The following ATP10A variants were observed in gnomAD, a reference collection of about 807,000 sequenced individuals.
ATP10A encodes ATPase phospholipid transporting 10A (putative).
ATP10A carries 111 observed loss-of-function variants against 147.8 expected under a neutral mutation model. The observed-to-expected ratio is 0.75, with a 90% CI of 0.64 to 0.88. ATP10A has a LOEUF of 0.88. Ranked by LOEUF, ATP10A falls within the 40% of genes least tolerant of loss-of-function variation. The pLI is 0.00. For synonymous variants in ATP10A, 875 were observed against 841.6 expected (o/e 1.04, Z -0.69); for missense variants, 1,927 against 1,959.0 (o/e 0.98, Z 0.31).
At chr15:25,717,262 TA>T (rs1901878899) in intron 8 of ATP10A, among the ~76,000 whole-genome samples, 1 of 152,216 alleles carries the variant, frequency 6.6e-6, no homozygotes, top group African/African-American at 2.4e-5. Context: ...TCCAGGCTTT[TA>T]AGAATTATTT....
chr15:25,847,215 T>A (rs901926289), intron 1 of ATP10A, among the ~76,000 whole-genome samples: 2 of 114,422 alleles, frequency 1.7e-5, no homozygotes, highest in Non-Finnish European at 4.2e-5. Flanking sequence ...AGGCTCTGAC[T>A]GAGCAGCACG....
intron 1 of ATP10A, among the ~76,000 whole-genome samples, chr15:25,861,559 C>T (rs1893760274): frequency 6.6e-6 from 1 of 152,136 alleles, no homozygotes; most frequent in Non-Finnish European, 1.5e-5. Context: ...TTCGTGAATG[C>T]CTACGTTTAA....
intron 7 of ATP10A, among the ~76,000 whole-genome samples, chr15:25,719,887 T>G (rs1902104203): frequency 6.6e-6 from 1 of 152,206 alleles, no homozygotes; most frequent in Non-Finnish European, 1.5e-5. Flanking sequence ...CTGAACTCCT[T>G]TATGAGTGAC....
rs1160232396 is a variant in ATP10A, at chr15:25,687,749, T to C, written c.3245A>G (p.Tyr1082Cys). 2.5e-6 allele frequency: 4 copies of C among 1,612,374 alleles called. No individual in the cohort carries two copies. The South Asian group carries it at 3.3e-5, about 13-fold the overall frequency. Reference sequence around the variant, plus strand: ...CAGCACCATGTTGGCAAGTCGGGAGTAGCACCAATGCCCGTGAAGAATCAA... The same window carrying C: ...CAGCACCATGTTGGCAAGTCGGGAGCAGCACCAATGCCCGTGAAGAATCAA... ...RLLILHGHWC[Y>C]SRLANMVLYF... The change falls in exon 16 of 21, where the codon TAC becomes TGC. Residue 1082 changes from tyrosine (Y) to cysteine (C), a missense_variant. By Grantham distance (194) the Tyr-to-Cys change is radical (BLOSUM62 -2). Coordinates refer to ENST00000555815, the MANE Select transcript of ATP10A (RefSeq NM_024490.4).
At chr15:25,741,603 T>C (rs887003285) in intron 2 of ATP10A, among the ~76,000 whole-genome samples, 5 of 152,224 alleles carry the variant, frequency 3.3e-5, no homozygotes, top group African/African-American at 1.2e-4. Context: ...ATTATTACTA[T>C]TATTATTATT....
intron 4 of ATP10A, 85 bp downstream of exon 4, chr15:25,727,075 G>GA: frequency 9.9e-7 from 1 of 1,007,150 alleles, no homozygotes; most frequent in Non-Finnish European, 1.5e-6. Context: ...AAATGAAAAA[G>GA]AAAAAAGAAA....
intron 1 of ATP10A, among the ~76,000 whole-genome samples, chr15:25,839,720 T>C (rs936305509): frequency 3.2e-4 from 48 of 152,306 alleles, no homozygotes; most frequent in African/African-American, 1.1e-3. Flanking sequence ...TCAATGGTCA[T>C]ATTTTAAGCT....
At chr15:25,675,673 C>T (rs535734617), downstream of ATP10A, among the ~76,000 whole-genome samples, 16 of 152,272 alleles carry the variant, frequency 1.1e-4, no homozygotes, top group East Asian at 1.2e-3. Flanking sequence ...GGTCAGGCGG[C>T]GCTGGCTTAC....
intron 2 of ATP10A, among the ~76,000 whole-genome samples, chr15:25,746,391 A>AACAAATCC (rs1887844848): frequency 6.6e-6 from 1 of 152,338 alleles, no homozygotes; most frequent in South Asian, 2.1e-4. Flanking sequence ...GGAGACATAA[A>AACAAATCC]ACAAATCCAC....
intron 1 of ATP10A, among the ~76,000 whole-genome samples, chr15:25,855,781 G>A (rs1597006666): frequency 2.0e-5 from 3 of 152,102 alleles, no homozygotes; most frequent in Admixed American, 1.3e-4. Context: ...CTGATGAATG[G>A]TTCTATATGG....
chr15:25,840,972 AT>A (rs1892786036), intron 1 of ATP10A, among the ~76,000 whole-genome samples: 1 of 152,090 alleles, frequency 6.6e-6, no homozygotes, highest in Admixed American at 6.5e-5. Context: ...TGTCTTGCCC[AT>A]TTTTAAACAG....
chr15:25,756,874 T>G (rs2140608085), intron 2 of ATP10A, among the ~76,000 whole-genome samples: 1 of 152,308 alleles, frequency 6.6e-6, no homozygotes, highest in East Asian at 1.9e-4. Flanking sequence ...TGACTAACAT[T>G]TGCATGTTGT....
intron 1 of ATP10A, among the ~76,000 whole-genome samples, chr15:25,854,830 G>A (rs571056959): frequency 2.6e-5 from 4 of 152,294 alleles, no homozygotes; most frequent in African/African-American, 7.2e-5. Flanking sequence ...GGCCAAGGAG[G>A]ATGGATCATC....
intron 8 of ATP10A, among the ~76,000 whole-genome samples, chr15:25,717,584 G>A (rs74003872): frequency 7.9e-5 from 12 of 152,206 alleles, no homozygotes; most frequent in Non-Finnish European, 1.5e-4. Context: ...TCCAAAACTC[G>A]AAATCAGCCC....
At chr15:25,845,307 G>C (rs1194916936) in intron 1 of ATP10A, among the ~76,000 whole-genome samples, 2 of 142,544 alleles carry the variant, frequency 1.4e-5, no homozygotes, top group African/African-American at 5.4e-5. Context: ...AAATCAGCAC[G>C]GACCGTTTGT....
chr15:25,672,894 C>A (rs933620158), downstream of ATP10A, among the ~76,000 whole-genome samples: 1 of 152,036 alleles, frequency 6.6e-6, no homozygotes, highest in African/African-American at 2.4e-5. Context: ...GAGAAGGGGT[C>A]CTAGGGCAAG....
chr15:25,864,863 C>T (rs1052287892), upstream of ATP10A, among the ~76,000 whole-genome samples: 7 of 152,208 alleles, frequency 4.6e-5, no homozygotes, highest in African/African-American at 7.2e-5. Flanking sequence ...CCGAGGCCTT[C>T]GGCCTCCCTA....
At chr15:25,762,086 CAG>C (rs150387386) in intron 2 of ATP10A, among the ~76,000 whole-genome samples, 2 of 152,250 alleles carry the variant, frequency 1.3e-5, no homozygotes, top group African/African-American at 4.8e-5. Flanking sequence ...GTTCTCGTGA[CAG>C]TGAGTTCTCA....
intron 2 of ATP10A, among the ~76,000 whole-genome samples, chr15:25,777,068 T>A (rs372708600): frequency 6.0e-4 from 91 of 151,034 alleles, no homozygotes; most frequent in African/African-American, 2.0e-3. Flanking sequence ...GGTGTGTGTG[T>A]GTGTGCATGC....
Sources: gnomAD v4.1 joint callset for allele counts (sites outside exome capture counted in the v4.1 genomes callset) on GRCh38, gnomAD v4.1.1 for gene constraint, MANE v1.5 for transcripts, NCBI Gene and HGNC (gene_info 2026-07-23, HGNC 2026-07-21) for gene names.